Variants in SEMA4A observed in about 807,000 individuals in gnomAD.
SEMA4A encodes the protein semaphorin-4A.
SEMA4A carries 52 observed loss-of-function variants against 72.5 expected under a neutral mutation model. The ratio of observed to expected loss-of-function variants is 0.72; its 90% CI spans 0.57 to 0.90. The LOEUF is 0.90. Among genes scored for constraint, SEMA4A ranks in the 40% least tolerant of loss-of-function variants. The probability of loss-of-function intolerance (pLI) is 0.00; values close to 1 mark genes in which losing one functional copy is unlikely to be tolerated. For missense variants in SEMA4A, 926 were observed against 959.7 expected, an observed-to-expected ratio of 0.96 and a Z score of 0.46; for synonymous variants, 369 against 393.1, an observed-to-expected ratio of 0.94 and a Z score of 0.73.
At chr1:156,159,187 A>T (rs775066497) in intron 6 of SEMA4A, among the ~76,000 whole-genome samples, 3 of 151,960 alleles carry the variant, frequency 2.0e-5, no homozygotes, top group Non-Finnish European at 4.4e-5. Context: ...TACAAAAATT[A>T]TCCAGGCGTG....
chr1:156,161,061 T>A, intron 8 of SEMA4A, 32 bp downstream of exon 8: 1 of 1,518,422 alleles, frequency 6.6e-7, no homozygotes. Flanking sequence ...CGGGGCTAAC[T>A]GGAGGAGAAC....
intron 10 of SEMA4A, among the ~76,000 whole-genome samples, chr1:156,165,599 A>G (rs1654077106): frequency 6.6e-6 from 1 of 152,060 alleles, no homozygotes; most frequent in African/African-American, 2.4e-5. Flanking sequence ...GAGAAGCCCA[A>G]AGTTATTCTG....
In SEMA4A at chr1:156,161,330, C is replaced by G; in HGVS notation, c.811-16C>G. 6.2e-7 allele frequency: 1 copy of G among 1,605,256 alleles called. No individual in the cohort carries two copies. The highest frequency in any genetic ancestry group is 1.3e-5 in the African/African-American group (1 of 74,514). On this transcript the variant is annotated splice_polypyrimidine_tract_variant and intron_variant, in intron 8 of 14. Transcript: ENST00000368285. The stretch of plus-strand genomic sequence containing the variant: ...GGGGCGCCCGGGGCGCCCCCTGACT[C>G]CCCCTGTGCCCCCAGAATGACGTGG...
At chr1:156,166,513 T>C (rs1654175113) in intron 10 of SEMA4A, among the ~76,000 whole-genome samples, 1 of 152,224 alleles carries the variant, frequency 6.6e-6, no homozygotes, top group East Asian at 1.9e-4. Context: ...TTCTCACTTT[T>C]TTTAAGCTTT....
At chr1:156,156,205 C>T in intron 2 of SEMA4A, 1 of 599,980 alleles carries the variant, frequency 1.7e-6, no homozygotes, top group Non-Finnish European at 3.1e-6. Flanking sequence ...CCTCTGGCTG[C>T]CTCTCCTCTC....
At chr1:156,165,907 C>CTTTT (rs71080751) in intron 10 of SEMA4A, among the ~76,000 whole-genome samples, 39,933 of 112,682 alleles carry the variant, frequency 0.35, 8,455 homozygotes, top group South Asian at 0.41. Context: ...TTCCTATCTT[C>CTTTT]TTTTTTTTTT....
rs774351746 is a variant in SEMA4A at position 156,176,711 on chromosome 1, G to A, written c.2000G>A (p.Arg667Lys). The change falls in exon 15 of 15, where the codon AGG becomes AAG. Residue 667 changes from arginine (R) to lysine (K), a missense_variant. By Grantham distance (26) the Arg-to-Lys change is conservative. Transcript: ENST00000368285. Reference protein sequence around the residue: ...PREHVKVPLTRVSGGAALAAQ... With the variant: ...PREHVKVPLTKVSGGAALAAQ... The stretch of plus-strand genomic sequence containing the variant: ...GAGCATGTGAAGGTCCCGTTGACCA[G>A]GGTCAGTGGTGGGGCCGCCCTGGCT... 1 of 1,613,894 alleles carries A rather than the reference G, an allele frequency of 6.2e-7. No homozygotes were observed. The highest frequency in any genetic ancestry group is 8.5e-7 in the Non-Finnish European group (1 of 1,179,766).
At chr1:156,173,095 T>A in intron 11 of SEMA4A, 89 bp downstream of exon 11, 1 of 1,308,094 alleles carries the variant, frequency 7.6e-7, no homozygotes, top group Non-Finnish European at 1.1e-6. Context: ...TTCATTCACT[T>A]ATTCATTCAA....
upstream of SEMA4A, among the ~76,000 whole-genome samples, chr1:156,152,383 A>G (rs1188054457): frequency 6.6e-6 from 1 of 152,304 alleles, no homozygotes; most frequent in Admixed American, 6.5e-5. Context: ...TCCCCGTATC[A>G]GAACTCTTCC....
Position 156,158,580 on chromosome 1 carries a change from T to G in SEMA4A, c.462+94T>G. 9 of 1,325,930 alleles carry G rather than the reference T, an allele frequency of 6.8e-6. No individual in the cohort carries two copies. In the South Asian group the frequency reaches 1.1e-4, roughly 16 times the overall value. The allele number at this position is 1,325,930 out of a possible 1,614,324, so 82.1% of individuals were successfully genotyped here. ...CTGTAGCTCTGGAAAACTCTGGCCT[T>G]CCAGATGCAGGACCCTCATGAACTT... On this transcript the variant is annotated intron_variant, in intron 5 of 14. Transcript: ENST00000368285.
In SEMA4A at chr1:156,166,668, C is replaced by T. The variant is rs1259287783; in HGVS notation, c.1134+3574C>T. On this transcript the variant is annotated intron_variant, in intron 10 of 14. Transcript: ENST00000368285. The stretch of plus-strand genomic sequence containing the variant: ...AGAAGGCCAGGTGCAGTGGCTGACA[C>T]CTGTAATCTCAGCACTTTGGGAGGC... Among the ~76,000 whole-genome samples the T allele has an allele frequency of 2.6e-5, 4 of 152,302 alleles. No homozygotes were observed. In the East Asian group the frequency reaches 7.7e-4, roughly 29 times the overall value.
At chr1:156,166,062 A>G (rs1654128582) in intron 10 of SEMA4A, among the ~76,000 whole-genome samples, 1 of 151,984 alleles carries the variant, frequency 6.6e-6, no homozygotes, top group African/African-American at 2.4e-5. Context: ...GCCCTCCACC[A>G]TGCCCAGTTA....
upstream of SEMA4A, among the ~76,000 whole-genome samples, chr1:156,149,267 G>A (rs1354382846): frequency 1.3e-5 from 2 of 152,184 alleles, no homozygotes; most frequent in East Asian, 1.9e-4. Flanking sequence ...GCTCCTCCCC[G>A]AATGGGAAAG....
chr1:156,170,960 C>T (rs1367427110), intron 10 of SEMA4A, among the ~76,000 whole-genome samples: 1 of 151,908 alleles, frequency 6.6e-6, no homozygotes, highest in African/African-American at 2.4e-5. Context: ...GACCTATAAT[C>T]CCAGCACTTT....
chr1:156,165,094 C>A (rs530356732), intron 10 of SEMA4A, among the ~76,000 whole-genome samples: 2 of 152,256 alleles, frequency 1.3e-5, no homozygotes, highest in South Asian at 4.1e-4. Context: ...AGGCACTGTG[C>A]CTGGTCTAAG....
chr1:156,166,379 C>T (rs746775206), intron 10 of SEMA4A, among the ~76,000 whole-genome samples: 5 of 152,146 alleles, frequency 3.3e-5, no homozygotes, highest in Non-Finnish European at 7.4e-5. Flanking sequence ...TTTTTGAGGA[C>T]ACATGCTACT....
chr1:156,173,397 C>CCT (rs933011008), intron 11 of SEMA4A, among the ~76,000 whole-genome samples: 10 of 152,056 alleles, frequency 6.6e-5, no homozygotes, highest in African/African-American at 2.4e-4. Context: ...GGCTGGAGCA[C>CCT]GGAGTGGGGC....
upstream of SEMA4A, among the ~76,000 whole-genome samples, chr1:156,150,720 C>G (rs968795016): frequency 6.6e-6 from 1 of 152,104 alleles, no homozygotes; most frequent in Non-Finnish European, 1.5e-5. Context: ...CGGGAAGCAA[C>G]CTCTCCATCT....
chr1:156,159,033 A>C (rs1289538999), intron 6 of SEMA4A: 6 of 176,180 alleles, frequency 3.4e-5, no homozygotes, highest in Admixed American at 9.9e-5. Context: ...GATCGTCTCA[A>C]AAAAAAAAAA....
Sources: gnomAD v4.1 joint callset for allele counts (sites outside exome capture counted in the v4.1 genomes callset) on GRCh38, gnomAD v4.1.1 for gene constraint, MANE v1.5 for transcripts, NCBI Gene and HGNC (gene_info 2026-07-23, HGNC 2026-07-21) for gene names.